The following SMAD7 variants were observed in gnomAD, a reference collection of about 807,000 sequenced individuals.
The protein encoded by SMAD7 is MAD (mothers against decapentaplegic, Drosophila) homolog 7.
A neutral mutation model predicts 38.7 loss-of-function variants in SMAD7; 8 were observed. The ratio of observed to expected loss-of-function variants is 0.21; its 90% CI spans 0.12 to 0.37. The LOEUF is 0.37. Among genes scored for constraint, SMAD7 ranks in the 10% least tolerant of loss-of-function variants. The pLI, the probability that SMAD7 is intolerant of heterozygous loss-of-function variation, is 1.00. For synonymous variants in SMAD7, 327 were observed against 265.1 expected, an observed-to-expected ratio of 1.23 and a Z score of -2.27; for missense variants, 477 against 577.9, an observed-to-expected ratio of 0.83 and a Z score of 1.79.
chr18:48,940,041 C>G (rs995949274), intron 3 of SMAD7, among the ~76,000 whole-genome samples: 8 of 152,194 alleles, frequency 5.3e-5, no homozygotes, highest in African/African-American at 1.7e-4. Context: ...TTTTGGAAGG[C>G]ATTCTCGCTA....
At chr18:48,924,740 G>A (rs891933425) in intron 3 of SMAD7, among the ~76,000 whole-genome samples, 2 of 152,084 alleles carry the variant, frequency 1.3e-5, no homozygotes, top group Non-Finnish European at 2.9e-5. Flanking sequence ...AGCAGCCTCT[G>A]TCCTCCCGTT....
chr18:48,949,176 C>G, intron 1 of SMAD7: 1 of 485,184 alleles, frequency 2.1e-6, no homozygotes, highest in Non-Finnish European at 2.7e-6. Flanking sequence ...ACTTCTCCTG[C>G]CTGTTTGTTC....
In SMAD7 at chr18:48,949,976, G is replaced by A; in HGVS notation, c.449C>T (p.Pro150Leu). ...CAGGAGGGGGAGCGAGTAGGACGAG[G>A]GCGGCTGCGCAGGCTGCGCGCCGGC... ...APAGAQPAQPPSSYSLPLLLC... is the reference protein window; with the variant it reads ...APAGAQPAQPLSSYSLPLLLC... Residue 150 changes from proline to leucine, a missense_variant, in exon 1 of 4, where the codon CCC becomes CTC. By Grantham distance (98) the Pro-to-Leu change is moderately conservative (BLOSUM62 -3). This residue lies in a region of SMAD7 where 376 missense variants were observed against 379.4 expected (regional missense o/e 0.99). Transcript: ENST00000262158. 1 of 1,601,516 alleles carries A rather than the reference G, an allele frequency of 6.2e-7. No homozygotes were observed. The highest frequency in any genetic ancestry group is 8.5e-7 in the Non-Finnish European group (1 of 1,174,706).
In SMAD7 at chr18:48,948,424, A is replaced by G; in HGVS notation, c.627T>C (p.Pro209=). ...SRLCELESPP[P]PYSRYPMDFL... ...AATCCATCGGGTATCTGGAGTAAGG[A>G]GGGGGGGGAGACTCTGAAATTAAAA... is the stretch of plus-strand genomic sequence containing the variant. The change falls in exon 2 of 4, where the codon CCT becomes CCC. Residue 209 remains proline, a synonymous_variant. Coordinates refer to ENST00000262158, the MANE Select transcript of SMAD7 (RefSeq NM_005904.4). The G allele has an allele frequency of 1.3e-6, 2 of 1,588,580 alleles. No homozygotes were observed. Among genetic ancestry groups the G allele is most frequent in the African/African-American group, 1.4e-5 (1 of 73,300 alleles).
At chr18:48,937,882 T>TG (rs1230811847) in intron 3 of SMAD7, among the ~76,000 whole-genome samples, 2 of 152,144 alleles carry the variant, frequency 1.3e-5, no homozygotes, top group East Asian at 3.9e-4. Flanking sequence ...GCTCAACCTG[T>TG]GCCCCCTGCC....
chr18:48,936,525 A>G (rs76739386), intron 3 of SMAD7, among the ~76,000 whole-genome samples: 2,876 of 152,332 alleles, frequency 0.019, 86 homozygotes, highest in African/African-American at 0.065. Context: ...AAAACAGTGG[A>G]CCATGTATAG....
intron 2 of SMAD7, among the ~76,000 whole-genome samples, chr18:48,943,832 C>A (rs1031074103): frequency 2.5e-5 from 3 of 122,430 alleles, no homozygotes; most frequent in Non-Finnish European, 4.8e-5. Flanking sequence ...TGGGTTTCTG[C>A]TGTCTGCCCT....
chr18:48,948,871 A>T lies in SMAD7; in HGVS notation c.614-434T>A, dbSNP rs370434437. 2.6e-5 allele frequency among the ~76,000 whole-genome samples: 4 copies of T among 152,282 alleles called. No individual in the cohort carries two copies. The South Asian group carries it at 8.3e-4, about 32-fold the overall frequency. The stretch of plus-strand genomic sequence containing the variant: ...GGTCCGCTCGGCACTCGCGCGGGGG[A>T]CACGGGGCTGCCCATTCCTAGCGCA... On this transcript the variant is annotated intron_variant, in intron 1 of 3. Coordinates refer to ENST00000262158, the MANE Select transcript of SMAD7 (RefSeq NM_005904.4).
At chr18:48,948,522 C>T in intron 1 of SMAD7, 85 bp from the exon 2 acceptor site, 2 of 978,260 alleles carry the variant, frequency 2.0e-6, no homozygotes, top group South Asian at 1.5e-5. Flanking sequence ...ATTCTTTTAG[C>T]CCAACTGTTT....
chr18:48,925,513 G>A (rs112383701), intron 3 of SMAD7, among the ~76,000 whole-genome samples: 4,112 of 152,200 alleles, frequency 0.027, 190 homozygotes, highest in African/African-American at 0.093. Context: ...GTTGAGAAAG[G>A]AGAGGACTTC....
intron 2 of SMAD7, chr18:48,942,782 T>C: frequency 7.2e-7 from 1 of 1,384,084 alleles, no homozygotes; most frequent in Non-Finnish European, 9.3e-7. Flanking sequence ...CAGTTAATCA[T>C]TACTCGAGTC....
intron 2 of SMAD7, 55 bp from the exon 3 acceptor site, chr18:48,942,610 G>A (rs770228695): frequency 1.4e-5 from 23 of 1,611,750 alleles, no homozygotes; most frequent in Non-Finnish European, 1.9e-5. Flanking sequence ...AAAACACCAA[G>A]ATCCATCTTT....
At chr18:48,923,863 G>A (rs1440655343) in intron 3 of SMAD7, among the ~76,000 whole-genome samples, 1 of 152,164 alleles carries the variant, frequency 6.6e-6, no homozygotes, top group Non-Finnish European at 1.5e-5. Flanking sequence ...TGGAACATAT[G>A]GAAAACAAGA....
At chr18:48,945,922 C>G (rs2070189659) in intron 2 of SMAD7, among the ~76,000 whole-genome samples, 1 of 152,282 alleles carries the variant, frequency 6.6e-6, no homozygotes, top group African/African-American at 2.4e-5. Context: ...CCACAAGTCA[C>G]AACTGGCCTC....
chr18:48,947,891 T>TTC (rs1491319973), intron 2 of SMAD7, among the ~76,000 whole-genome samples: 4 of 90,638 alleles, frequency 4.4e-5, no homozygotes, highest in Non-Finnish European at 8.5e-5. Context: ...AGGAGGAACC[T>TTC]ACCCCCCCCC....
rs1246640381 is a variant in SMAD7, at chr18:48,921,145, C to A, written c.*227G>T. The A allele has an allele frequency of 1.8e-6, 1 of 547,670 alleles. No individual in the cohort carries two copies. Among genetic ancestry groups the A allele is most frequent in the African/African-American group, 1.9e-5 (1 of 52,760 alleles). The allele number at this position is 547,670 out of a possible 1,614,324, so 33.9% of individuals were successfully genotyped here. The stretch of plus-strand genomic sequence containing the variant: ...AGGGTGTCCTGCCGATCATACCTGC[C>A]CCTTCTTCCAAAAAAACCCCCAACA... On this transcript the variant is annotated 3_prime_UTR_variant, in exon 4 of 4. Transcript: ENST00000262158. The surrounding 1 kb of genome is among the most constrained non-coding windows in gnomAD (Gnocchi z 6.4).
chr18:48,947,486 C>G (rs1159426772), intron 2 of SMAD7, among the ~76,000 whole-genome samples: 2 of 152,176 alleles, frequency 1.3e-5, no homozygotes, highest in African/African-American at 2.4e-5. Flanking sequence ...AAAAATGTCC[C>G]AAGTATTAAT....
rs1264987405 is a variant in SMAD7, at chr18:48,950,028, C to G, written c.397G>C (p.Asp133His). The G allele has an allele frequency of 6.8e-7, 1 of 1,471,944 alleles. No homozygotes were observed. The highest frequency in any genetic ancestry group is 2.8e-5 in the Admixed American group (1 of 35,164). The allele number at this position is 1,471,944 out of a possible 1,614,324, so 91.2% of individuals were successfully genotyped here. Residue 133 changes from aspartate (D) to histidine (H), a missense_variant, in exon 1 of 4, where the codon GAC (aspartate) becomes CAC (histidine). Around this residue, in one of 2 missense-constraint regions of SMAD7, gnomAD observed 376 missense variants for 379.4 expected, o/e 0.99. Coordinates refer to ENST00000262158, the MANE Select transcript of SMAD7 (RefSeq NM_005904.4). ...TACLLLPGRL[D>H]CRLGPGAPAG... ...GGCGCCCCCGGGCCCAGCCTGCAGT[C>G]CAGGCGGCCGGGCAGCAGGAGGCAC... is the stretch of plus-strand genomic sequence containing the variant.
rs1228308146 is a variant in SMAD7, at chr18:48,948,376, CT to C, written c.667+7del. On this transcript the variant is annotated splice_region_variant and intron_variant, in intron 2 of 3. Coordinates refer to ENST00000262158, the MANE Select transcript of SMAD7 (RefSeq NM_005904.4). Reference sequence around the variant, plus strand: ...ATAAGCAGGATATTTTAAAAATCATCTACTCACCAGTTGGTTTGAGAAAATC... The same window carrying C: ...ATAAGCAGGATATTTTAAAAATCATCACTCACCAGTTGGTTTGAGAAAATC... 4.4e-5 allele frequency: 70 copies of C among 1,574,116 alleles called. No individual in the cohort carries two copies. The highest frequency in any genetic ancestry group is 5.7e-5 in the Non-Finnish European group (66 of 1,151,776).
Sources: gnomAD v4.1 joint callset for allele counts (sites outside exome capture counted in the v4.1 genomes callset) on GRCh38, gnomAD v4.1.1 for gene constraint, gnomAD v4.1.1 regional missense constraint, Gnocchi (gnomAD v3.1) non-coding constraint, MANE v1.5 for transcripts, NCBI Gene and HGNC (gene_info 2026-07-23, HGNC 2026-07-21) for gene names.